The following ASPM variants were observed in gnomAD, a reference collection of about 807,000 sequenced individuals.
ASPM encodes the protein assembly factor for spindle microtubules.
A neutral mutation model predicts 366.4 loss-of-function variants in ASPM; 256 were observed. The observed-to-expected ratio is 0.70, with a 90% CI of 0.63 to 0.77. ASPM has a LOEUF of 0.77. Ranked by LOEUF, ASPM falls within the 30% of genes least tolerant of loss-of-function variation. The pLI is 0.00. For missense variants in ASPM, 4,146 were observed against 4,090.4 expected (o/e 1.01, Z -0.37); for synonymous variants, 1,414 against 1,342.9 (o/e 1.05, Z -1.16).
At position 197,122,003 on chromosome 1, in the gene ASPM, A is replaced by G. The variant is rs1657923627; in HGVS notation, c.3782T>C (p.Leu1261Ser). 2 of 1,612,208 alleles carry G rather than the reference A, an allele frequency of 1.2e-6. No individual in the cohort carries two copies. Among genetic ancestry groups the G allele is most frequent in the South Asian group, 2.2e-5 (2 of 91,036 alleles). Residue 1261 changes from leucine to serine, a missense_variant, in exon 16 of 28, where the codon TTG (leucine) becomes TCG (serine). Transcript: ENST00000367409. Reference protein sequence around the residue: ...TYLSFLCARLLDLRKEIRAAR... With the variant: ...TYLSFLCARLSDLRKEIRAAR... The stretch of plus-strand genomic sequence containing the variant: ...AGCTCTTATTTCTTTACGAAGATCC[A>G]AAAGCCTTGCACAAAGAAATGACAA...
At chr1:197,131,236 T>C (rs1045907364) in intron 7 of ASPM, among the ~76,000 whole-genome samples, 2 of 152,176 alleles carry the variant, frequency 1.3e-5, no homozygotes, top group African/African-American at 4.8e-5. Flanking sequence ...CCAAAGACTC[T>C]TCTATTCCAA....
At position 197,132,258 on chromosome 1, in the gene ASPM, T is replaced by C. The variant is rs975088331; in HGVS notation, c.2487+27A>G. The C allele has an allele frequency of 5.8e-6, 9 of 1,547,836 alleles. 1 individual carries two copies. In the South Asian group the frequency reaches 6.2e-5, roughly 11 times the overall value. On this transcript the variant is annotated intron_variant, in intron 7 of 27. Transcript: ENST00000367409. ...AAAAGTATATAATAAAAAAATATTA[T>C]TTTAGAAACCTGAAATATATGCTTA...
At position 197,143,087 on chromosome 1, in the gene ASPM, G is replaced by C; in HGVS notation, c.1165C>G (p.Pro389Ala). The C allele has an allele frequency of 6.2e-7, 1 of 1,612,880 alleles. No individual in the cohort carries two copies. The stretch of plus-strand genomic sequence containing the variant: ...AAAAATTGATTAGGGGATAAAATAG[G>C]ATTAACTGACTCTGATTCTAGATCC... Reference protein sequence around the residue: ...NQDLESESVNPILSPNQFLKD... With the variant: ...NQDLESESVNAILSPNQFLKD... Residue 389 changes from proline (P) to alanine (A), a missense_variant, in exon 3 of 28, where the codon CCT becomes GCT. Pro to Ala is a conservative substitution (Grantham distance 27). Around this residue, in one of 3 missense-constraint regions of ASPM, gnomAD observed 512 missense variants for 471.7 expected, o/e 1.09. Transcript: ENST00000367409.
chr1:197,130,600 C>T (rs1364044558), intron 7 of ASPM, among the ~76,000 whole-genome samples: 2 of 152,072 alleles, frequency 1.3e-5, no homozygotes, highest in African/African-American at 4.8e-5. Flanking sequence ...ATATCAAATT[C>T]TGCAACCCTA....
At chr1:197,090,411 A>T (rs772699754) in intron 23 of ASPM, 23 bp from the exon 24 acceptor site, 6 of 1,543,512 alleles carry the variant, frequency 3.9e-6, no homozygotes, top group Non-Finnish European at 8.9e-7. Context: ...AAACAGAGTA[A>T]TTTTAAGATT....
rs563518310 is a variant in ASPM, at chr1:197,085,553, A to G, written c.10332-1127T>C. On this transcript the variant is annotated intron_variant, in intron 27 of 27. Transcript: ENST00000367409. ...AAAGTGTGGTACGACCATACAATGG[A>G]ATAGTACTAAGTGATAGAAAGGAAT... is the stretch of plus-strand genomic sequence containing the variant. Among the ~76,000 whole-genome samples, 18 of 152,312 alleles carry G rather than the reference A, an allele frequency of 1.2e-4. 1 individual carries two copies. Among genetic ancestry groups the G allele is most frequent in the Non-Finnish European group, 1.5e-4 (10 of 68,018 alleles).
Position 197,090,358 on chromosome 1 carries a change from T to C in ASPM, c.9667A>G (p.Lys3223Glu), listed in dbSNP as rs753387899. ...ALWRGYSWRK[K>E]NDCTKIKAIR... ...GCTTTAATTTTTGTACAATCATTTT[T>C]CTTCCTCCAAGAATAGCCTCTCCAT... The change falls in exon 24 of 28, where the codon AAA (lysine) becomes GAA (glutamate). Residue 3223 changes from lysine to glutamate, a missense_variant. Physicochemically the swap from Lys to Glu is moderately conservative, Grantham distance 56. This residue lies in a region of ASPM where 3,624 missense variants were observed against 3,591.7 expected (regional missense o/e 1.01). Coordinates refer to ENST00000367409, the MANE Select transcript of ASPM (RefSeq NM_018136.5). 7 of 1,611,680 alleles carry C rather than the reference T, an allele frequency of 4.3e-6. No homozygotes were observed. The highest frequency in any genetic ancestry group is 5.1e-6 in the Non-Finnish European group (6 of 1,178,612).
rs1004629758 is a variant in ASPM, at chr1:197,084,158, A to C, written c.*166T>G. On this transcript the variant is annotated 3_prime_UTR_variant, in exon 28 of 28. Transcript: ENST00000367409. Reference sequence around the variant, plus strand: ...TATGACATATTAGTTTATTACATGCATAAAACTATAAATGATAAAAATGAA... The same window carrying C: ...TATGACATATTAGTTTATTACATGCCTAAAACTATAAATGATAAAAATGAA... The C allele has an allele frequency of 1.6e-6, 1 of 614,004 alleles. No individual in the cohort carries two copies. The highest frequency in any genetic ancestry group is 2.9e-5 in the Admixed American group (1 of 34,904). The allele number at this position is 614,004 out of a possible 1,614,324, so 38.0% of individuals were successfully genotyped here.
intron 17 of ASPM, among the ~76,000 whole-genome samples, chr1:197,115,366 A>G (rs534551623): frequency 6.6e-6 from 1 of 152,238 alleles, no homozygotes; most frequent in African/African-American, 2.4e-5. Flanking sequence ...TCTTTAACCC[A>G]TCGAAGTCAT....
rs1408275541 is a variant in ASPM at position 197,104,139 on chromosome 1, A to G, written c.5112T>C (p.Ala1704=). The part of the protein sequence containing the change: ...TRKQYLHLRA[A]ALFIQQCYRS... ...GGTAACATTGCTGGATAAATAGTGC[A>G]GCTGCTCTTAAATGCAAATATTGTT... The change falls in exon 18 of 28, where the codon GCT becomes GCC. Residue 1704 remains alanine (A), a synonymous_variant. Transcript: ENST00000367409. The G allele has an allele frequency of 2.5e-6, 4 of 1,612,826 alleles. No homozygotes were observed. Among genetic ancestry groups the G allele is most frequent in the East Asian group, 2.2e-5 (1 of 44,824 alleles).
At position 197,128,477 on chromosome 1, in the gene ASPM, T is replaced by C. The variant is rs759746669; in HGVS notation, c.2936+13A>G. Reference sequence around the variant, plus strand: ...ATTCCATTAAGCAAAATAATTCTATTTCTTATACGTACACAAGGCGCACTC... The same window carrying C: ...ATTCCATTAAGCAAAATAATTCTATCTCTTATACGTACACAAGGCGCACTC... On this transcript the variant is annotated intron_variant, in intron 10 of 27. Coordinates refer to ENST00000367409, the MANE Select transcript of ASPM (RefSeq NM_018136.5). 1.6e-5 allele frequency: 26 copies of C among 1,604,648 alleles called. No individual in the cohort carries two copies. The highest frequency in any genetic ancestry group is 1.3e-5 in the African/African-American group (1 of 74,702).
rs1656733444 is a variant in ASPM, at chr1:197,090,229, G to T, written c.9796C>A (p.Leu3266Ile). The T allele has an allele frequency of 6.2e-7, 1 of 1,613,368 alleles. No individual in the cohort carries two copies. The highest frequency in any genetic ancestry group is 8.5e-7 in the Non-Finnish European group (1 of 1,179,674). Reference sequence around the variant, plus strand: ...TTTAAGGCCTCAAGAATGGCAGAAAGGTGCTTATATGTCAAAAGGTAATGA... The same window carrying T: ...TTTAAGGCCTCAAGAATGGCAGAAATGTGCTTATATGTCAAAAGGTAATGA... ...ALHYLLTYKH[L>I]SAILEALKHL... The change falls in exon 24 of 28, where the codon CTT (leucine) becomes ATT (isoleucine). Residue 3266 changes from leucine (L) to isoleucine (I), a missense_variant. By Grantham distance (5) the Leu-to-Ile change is conservative. Around this residue, in one of 3 missense-constraint regions of ASPM, gnomAD observed 3,624 missense variants for 3,591.7 expected, o/e 1.01. Coordinates refer to ENST00000367409, the MANE Select transcript of ASPM (RefSeq NM_018136.5).
rs765958126 is a variant in ASPM, at chr1:197,100,781, C to T, written c.8470G>A (p.Ala2824Thr). The T allele has an allele frequency of 1.5e-5, 24 of 1,612,456 alleles. No homozygotes were observed. The highest frequency in any genetic ancestry group is 2.0e-5 in the Non-Finnish European group (23 of 1,179,100). Residue 2824 changes from alanine (A) to threonine (T), a missense_variant, in exon 18 of 28, where the codon GCT (alanine) becomes ACT (threonine). Transcript: ENST00000367409. ...QSRAAVTIQK[A>T]FCRMVTRKLE... ...TTTCTTGTGACCATTCTACAAAAAG[C>T]TTTTTGAATTGTTACTGCAGCCCTA... is the stretch of plus-strand genomic sequence containing the variant.
chr1:197,125,315 T>C (rs1333729081), intron 10 of ASPM, 124 bp from the exon 11 acceptor site: 11 of 1,171,176 alleles, frequency 9.4e-6, no homozygotes, highest in African/African-American at 1.5e-5. Flanking sequence ...TCAGAAAGAC[T>C]TCAAAAAACT....
rs185342967 is a variant in ASPM at position 197,118,007 on chromosome 1, G to A, written c.3871-24C>T. On this transcript the variant is annotated intron_variant, in intron 16 of 27. Coordinates refer to ENST00000367409, the MANE Select transcript of ASPM (RefSeq NM_018136.5). ...TCCTAAAATAAAAAAGTCAGCAAAT[G>A]TAAATTAAACACTCACTTAAGACCT... 820 of 1,596,706 alleles carry A rather than the reference G, an allele frequency of 5.1e-4. 1 individual carries two copies. The highest frequency in any genetic ancestry group is 5.0e-4 in the Non-Finnish European group (585 of 1,165,238).
At chr1:197,088,671 T>C (rs1347027662) in intron 25 of ASPM, among the ~76,000 whole-genome samples, 1 of 152,000 alleles carries the variant, frequency 6.6e-6, no homozygotes, top group Non-Finnish European at 1.5e-5. Flanking sequence ...AAGTTTCACA[T>C]AAAATAAATC....
intron 4 of ASPM, among the ~76,000 whole-genome samples, chr1:197,136,846 T>C (rs191764507): frequency 6.4e-4 from 98 of 152,264 alleles, no homozygotes; most frequent in Non-Finnish European, 1.0e-3. Flanking sequence ...TTAAAAGTTA[T>C]ATGGGAAACA....
chr1:197,125,701 C>T (rs1658070970), intron 10 of ASPM, among the ~76,000 whole-genome samples: 2 of 152,154 alleles, frequency 1.3e-5, no homozygotes, highest in East Asian at 1.9e-4. Flanking sequence ...AAGATGAGAA[C>T]TAAAATCCAG....
At chr1:197,108,043 T>G (rs1280358654) in intron 17 of ASPM, among the ~76,000 whole-genome samples, 1 of 151,988 alleles carries the variant, frequency 6.6e-6, no homozygotes, top group Non-Finnish European at 1.5e-5. Context: ...GGTTATCAAA[T>G]AGGAAAGAAT....
Sources: gnomAD v4.1 joint callset for allele counts (sites outside exome capture counted in the v4.1 genomes callset) on GRCh38, gnomAD v4.1.1 for gene constraint, gnomAD v4.1.1 regional missense constraint, MANE v1.5 for transcripts, NCBI Gene and HGNC (gene_info 2026-07-23, HGNC 2026-07-21) for gene names.